Variants in ABI1 observed in about 807,000 individuals in gnomAD.
ABI1 encodes the protein abl interactor 1, also known as Abelson interactor 1.
ABI1 carries 14 observed loss-of-function variants against 54.6 expected under a neutral mutation model. That is an observed-to-expected ratio of 0.26 (90% CI 0.17 to 0.40). The LOEUF is 0.40. ABI1 is among the 10% of genes least tolerant of loss of function. The pLI, the probability that ABI1 is intolerant of heterozygous loss-of-function variation, is 1.00. For missense variants in ABI1, 443 were observed against 598.3 expected (o/e 0.74, Z 2.71); for synonymous variants, 194 against 209.3 (o/e 0.93, Z 0.63).
intron 1 of ABI1, among the ~76,000 whole-genome samples, chr10:26,833,309 A>C (rs2048807773): frequency 6.6e-6 from 1 of 152,208 alleles, no homozygotes; most frequent in Non-Finnish European, 1.5e-5. Context: ...ATAATGTAGA[A>C]TATTTTTAAG....
chr10:26,824,351 C>G (rs768364716), intron 1 of ABI1, among the ~76,000 whole-genome samples: 3 of 152,112 alleles, frequency 2.0e-5, no homozygotes, highest in Non-Finnish European at 2.9e-5. Flanking sequence ...ACTTTCTGAC[C>G]CAGTAAGCTC....
chr10:26,822,657 A>G (rs1441773919), intron 2 of ABI1, among the ~76,000 whole-genome samples: 2 of 152,232 alleles, frequency 1.3e-5, no homozygotes, highest in African/African-American at 4.8e-5. Context: ...TAGAAAATGT[A>G]AACTAATCTC....
chr10:26,788,669 T>C (rs1414300991), intron 2 of ABI1, among the ~76,000 whole-genome samples: 2 of 151,980 alleles, frequency 1.3e-5, no homozygotes. Context: ...TCCCAGCACT[T>C]TGGGACGCCG....
Position 26,814,941 on chromosome 10 carries a change from G to A in ABI1, c.285+8197C>T, listed in dbSNP as rs548040588. Reference sequence around the variant, plus strand: ...TTTTTGAAACTGAAAACTCAAACAAGCTCTGAATTCTAAATTTTGAGATTA... The same window carrying A: ...TTTTTGAAACTGAAAACTCAAACAAACTCTGAATTCTAAATTTTGAGATTA... On this transcript the variant is annotated intron_variant, in intron 2 of 10. Transcript: ENST00000376140. Among the ~76,000 whole-genome samples, 166 of 152,128 alleles carry A rather than the reference G, an allele frequency of 1.1e-3. 1 individual carries two copies. Among genetic ancestry groups the A allele is most frequent in the Non-Finnish European group, 1.6e-3 (112 of 67,970 alleles).
At chr10:26,828,711 G>C (rs558518350) in intron 1 of ABI1, among the ~76,000 whole-genome samples, 28 of 152,234 alleles carry the variant, frequency 1.8e-4, no homozygotes, top group African/African-American at 6.3e-4. Flanking sequence ...TAGAATAAAA[G>C]TAATTGAAAG....
At chr10:26,836,954 T>C (rs985040853) in intron 1 of ABI1, among the ~76,000 whole-genome samples, 4 of 152,162 alleles carry the variant, frequency 2.6e-5, no homozygotes, top group African/African-American at 9.7e-5. Context: ...TAATACCCCC[T>C]AGTTACACAG....
rs143430812 is a variant in ABI1 at position 26,775,059 on chromosome 10, A to G, written c.462+2006T>C. ...AGCAATGTCTCACTATCCTCAAAACACTAATTTTAAAATAAACTTAAACTT... is the reference window on the plus strand; with the variant it reads ...AGCAATGTCTCACTATCCTCAAAACGCTAATTTTAAAATAAACTTAAACTT... On this transcript the variant is annotated intron_variant, in intron 3 of 10. Transcript: ENST00000376140. Among the ~76,000 whole-genome samples, 678 of 152,244 alleles carry G rather than the reference A, an allele frequency of 4.5e-3. 5 individuals are homozygous for G. The highest frequency in any genetic ancestry group is 9.6e-3 in the African/African-American group (400 of 41,548).
At chr10:26,837,717 C>G (rs1201740084) in intron 1 of ABI1, among the ~76,000 whole-genome samples, 2 of 152,066 alleles carry the variant, frequency 1.3e-5, no homozygotes, top group East Asian at 3.9e-4. Context: ...CAGTTTCAAG[C>G]AATTCACATG....
intron 1 of ABI1, among the ~76,000 whole-genome samples, chr10:26,829,676 C>T (rs1027103445): frequency 6.6e-6 from 1 of 151,992 alleles, no homozygotes; most frequent in African/African-American, 2.4e-5. Flanking sequence ...ATGTAAGGAT[C>T]AATGAGGATC....
intron 3 of ABI1, 85 bp from the exon 4 acceptor site, chr10:26,771,174 G>T: frequency 7.0e-7 from 1 of 1,419,236 alleles, no homozygotes; most frequent in Non-Finnish European, 9.9e-7. Flanking sequence ...TACATTTACA[G>T]TTACTCAATT....
intron 7 of ABI1, chr10:26,763,774 A>G: frequency 1.0e-6 from 1 of 976,000 alleles, no homozygotes; most frequent in Non-Finnish European, 1.6e-6. Flanking sequence ...TTGTATTATC[A>G]CCTGCAACCT....
intron 1 of ABI1, among the ~76,000 whole-genome samples, chr10:26,855,599 T>A (rs1039344338): frequency 4.6e-5 from 7 of 152,308 alleles, no homozygotes; most frequent in African/African-American, 1.2e-4. Flanking sequence ...ATTCAATAAA[T>A]AGAGGCAATT....
intron 1 of ABI1, among the ~76,000 whole-genome samples, chr10:26,832,143 C>A (rs569848078): frequency 6.6e-6 from 1 of 152,190 alleles, no homozygotes. Flanking sequence ...GCCATGACCG[C>A]TGACTGGCTG....
chr10:26,834,919 A>G (rs1359672074), intron 1 of ABI1, among the ~76,000 whole-genome samples: 5 of 152,196 alleles, frequency 3.3e-5, no homozygotes, highest in African/African-American at 1.2e-4. Context: ...CCTGGCCAAC[A>G]TGGTGAAATC....
At chr10:26,805,824 C>T (rs1028617053) in intron 2 of ABI1, among the ~76,000 whole-genome samples, 4 of 152,158 alleles carry the variant, frequency 2.6e-5, no homozygotes, top group African/African-American at 9.7e-5. Flanking sequence ...CCAGCAGATA[C>T]AAGAAGCAGA....
At chr10:26,851,682 A>T (rs974871937) in intron 1 of ABI1, among the ~76,000 whole-genome samples, 1 of 151,446 alleles carries the variant, frequency 6.6e-6, no homozygotes, top group Non-Finnish European at 1.5e-5. Context: ...GCAGGACAGG[A>T]TATGACCCAC....
In ABI1 at chr10:26,759,042, C is replaced by A; in HGVS notation, c.997+20G>T. 1 of 1,606,196 alleles carries A rather than the reference C, an allele frequency of 6.2e-7. No homozygotes were observed. Among genetic ancestry groups the A allele is most frequent in the Non-Finnish European group, 8.5e-7 (1 of 1,175,780 alleles). ...AAAGGAGCTCCACTGTTGCTGTATGCCTGCAAAGCACAAGCTTACTTGAAT... is the reference window on the plus strand; with the variant it reads ...AAAGGAGCTCCACTGTTGCTGTATGACTGCAAAGCACAAGCTTACTTGAAT... On this transcript the variant is annotated intron_variant, in intron 8 of 10. Transcript: ENST00000376140.
In ABI1 at chr10:26,770,317, C is replaced by T. The variant is rs762151395; in HGVS notation, c.506G>A (p.Gly169Asp). The change falls in exon 5 of 11, where the codon GGC becomes GAC. Residue 169 changes from glycine (G) to aspartate (D), a missense_variant. Physicochemically the swap from Gly to Asp is moderately conservative, Grantham distance 94. Around this residue, in one of 2 missense-constraint regions of ABI1, gnomAD observed 394 missense variants for 484.8 expected, o/e 0.81. Transcript: ENST00000376140. The stretch of plus-strand genomic sequence containing the variant: ...AGGAGGATTTGTTCTCGACAGTGTG[C>T]CAGTTCTTGCAGGCTGGTTATTTCC... ...KHGNNQPARTGTLSRTNPPTQ... is the reference protein window; with the variant it reads ...KHGNNQPARTDTLSRTNPPTQ... The T allele has an allele frequency of 2.5e-6, 4 of 1,613,950 alleles. No homozygotes were observed. The highest frequency in any genetic ancestry group is 3.4e-6 in the Non-Finnish European group (4 of 1,179,860).
chr10:26,807,999 G>A (rs10764645), intron 2 of ABI1, among the ~76,000 whole-genome samples: 31,870 of 152,026 alleles, frequency 0.21, 3,518 homozygotes, highest in African/African-American at 0.29. Flanking sequence ...GGCTGGGGCA[G>A]AAGAATTGCT....
Sources: gnomAD v4.1 joint callset for allele counts (sites outside exome capture counted in the v4.1 genomes callset) on GRCh38, gnomAD v4.1.1 for gene constraint, gnomAD v4.1.1 regional missense constraint, MANE v1.5 for transcripts, NCBI Gene and HGNC (gene_info 2026-07-23, HGNC 2026-07-21) for gene names.